Variants in PCDHGA5 observed in about 807,000 individuals in gnomAD.
PCDHGA5 encodes protocadherin gamma subfamily A, 5.
A neutral mutation model predicts 56.7 loss-of-function variants in PCDHGA5; 36 were observed. That is an observed-to-expected ratio of 0.64 (90% confidence interval 0.49 to 0.84). The LOEUF is 0.84. Ranked by LOEUF, PCDHGA5 falls within the 40% of genes least tolerant of loss-of-function variation. PCDHGA5 has a pLI of 0.00. For synonymous variants in PCDHGA5, 563 were observed against 520.2 expected, an observed-to-expected ratio of 1.08 and a Z score of -1.12; for missense variants, 1,305 against 1,201.5, an observed-to-expected ratio of 1.09 and a Z score of -1.27.
intron 1 of PCDHGA5, chr5:141,372,119 C>T (rs568477128): frequency 1.2e-6 from 2 of 1,613,802 alleles, no homozygotes; most frequent in East Asian, 2.2e-5. Context: ...CTGCGCTCTT[C>T]GATATGGTGC....
Position 141,432,617 on chromosome 5 carries a change from G to A in PCDHGA5, c.2422-62190G>A. The A allele has an allele frequency of 6.2e-7, 1 of 1,613,694 alleles. No individual in the cohort carries two copies. Among genetic ancestry groups the A allele is most frequent in the South Asian group, 1.1e-5 (1 of 91,044 alleles). On this transcript the variant is annotated intron_variant, in intron 1 of 3. Coordinates refer to ENST00000518069, the MANE Select transcript of PCDHGA5 (RefSeq NM_018918.3). This position sits in a 1 kb window ranked among gnomAD's most constrained non-coding sequence, Gnocchi z 6.0. ...CAGCGAGCCGGGACTCTTCTCGGTGGGTCTGCACACGGGCGAGGTGCGCAC... is the reference window on the plus strand; with the variant it reads ...CAGCGAGCCGGGACTCTTCTCGGTGAGTCTGCACACGGGCGAGGTGCGCAC...
chr5:141,375,535 C>T (rs548065153), intron 1 of PCDHGA5: 89 of 1,614,018 alleles, frequency 5.5e-5, no homozygotes, highest in Non-Finnish European at 6.9e-5. Flanking sequence ...TGGACCAGAA[C>T]GCCCAAGTCT....
At chr5:141,417,007 C>A (rs1204390468) in intron 1 of PCDHGA5, 1 of 148,406 alleles carries the variant, frequency 6.7e-6, no homozygotes, top group Non-Finnish European at 1.5e-5. Flanking sequence ...TCAAATAATT[C>A]TATTATTTTG....
intron 1 of PCDHGA5, chr5:141,399,313 A>C: frequency 6.2e-7 from 1 of 1,613,952 alleles, no homozygotes; most frequent in Non-Finnish European, 8.5e-7. Flanking sequence ...TTCATCCAAA[A>C]ATTCGTATAA....
At position 141,477,529 on chromosome 5, in the gene PCDHGA5, C is replaced by G; in HGVS notation, c.2422-17278C>G. ...ACGTTTACATTGAAGAAAACAACCT[C>G]CCCGGGGCTCCAATACTAAACCTAA... On this transcript the variant is annotated intron_variant, in intron 1 of 3. Transcript: ENST00000518069. The surrounding 1 kb of genome is among the most constrained non-coding windows in gnomAD (Gnocchi z 4.9). 6.2e-7 allele frequency: 1 copy of G among 1,614,172 alleles called. No homozygotes were observed. The highest frequency in any genetic ancestry group is 8.5e-7 in the Non-Finnish European group (1 of 1,180,032).
chr5:141,451,579 A>G (rs1222576609), intron 1 of PCDHGA5, among the ~76,000 whole-genome samples: 1 of 152,084 alleles, frequency 6.6e-6, no homozygotes, highest in Non-Finnish European at 1.5e-5. Flanking sequence ...TTATAAACCT[A>G]ATTTTGAAAG....
rs3749771 is a variant in PCDHGA5, at chr5:141,376,276, C to A, written c.2421+9525C>A. The A allele has an allele frequency of 5.9e-4, 946 of 1,614,240 alleles. 16 individuals are homozygous for A. The East Asian group carries it at 0.018, about 31-fold the overall frequency. The stretch of plus-strand genomic sequence containing the variant: ...GCCTGCTGCAGGCTTCGGGAGGTGG[C>A]TTAGCGAGCATGCCCGGCTCGCACT... On this transcript the variant is annotated intron_variant, in intron 1 of 3. Coordinates refer to ENST00000518069, the MANE Select transcript of PCDHGA5 (RefSeq NM_018918.3).
chr5:141,492,064 C>T (rs1562152072), intron 1 of PCDHGA5: 3 of 484,366 alleles, frequency 6.2e-6, no homozygotes, highest in Non-Finnish European at 1.1e-5. Context: ...AGCCAGCCTC[C>T]TAGGCGCCGG....
chr5:141,481,729 G>A (rs757464454), intron 1 of PCDHGA5, among the ~76,000 whole-genome samples: 6 of 151,966 alleles, frequency 3.9e-5, no homozygotes, highest in Admixed American at 1.3e-4. Flanking sequence ...GGAGGCGGGC[G>A]GATCACGAGG....
intron 1 of PCDHGA5, chr5:141,423,613 GA>G (rs1164845631): frequency 1.9e-6 from 3 of 1,610,782 alleles, no homozygotes; most frequent in Admixed American, 1.7e-5. Context: ...CTTGATAGCT[GA>G]AGACTCAGCT....
At chr5:141,479,590 A>T (rs2099500448) in intron 1 of PCDHGA5, 1 of 152,182 alleles carries the variant, frequency 6.6e-6, no homozygotes, top group Non-Finnish European at 1.5e-5. Context: ...TAGCCACTGC[A>T]CTCCAGCCTA....
At chr5:141,399,010 G>C in intron 1 of PCDHGA5, 1 of 1,613,844 alleles carries the variant, frequency 6.2e-7, no homozygotes, top group Non-Finnish European at 8.5e-7. Flanking sequence ...TTCAAAGAGC[G>C]GAGAAATTAC....
At chr5:141,371,686 C>A (rs377384867) in intron 1 of PCDHGA5, 4 of 1,613,910 alleles carry the variant, frequency 2.5e-6, no homozygotes, top group Non-Finnish European at 3.4e-6. Flanking sequence ...GGCAATCCAC[C>A]GCTCTCCTCC....
intron 1 of PCDHGA5, chr5:141,372,843 T>C (rs1344316065): frequency 6.6e-7 from 1 of 1,510,382 alleles, no homozygotes; most frequent in East Asian, 2.3e-5. Flanking sequence ...TCCATAAATA[T>C]AATTGGGTTT....
chr5:141,449,528 G>C (rs1298713821), intron 1 of PCDHGA5, among the ~76,000 whole-genome samples: 1 of 149,040 alleles, frequency 6.7e-6, no homozygotes, highest in African/African-American at 2.5e-5. Context: ...GGCGGAGGTT[G>C]CAGTGAGCCG....
chr5:141,409,849 C>A (rs772503820), intron 1 of PCDHGA5: 1 of 1,612,106 alleles, frequency 6.2e-7, no homozygotes, highest in South Asian at 1.1e-5. Context: ...TGAGCCTGCG[C>A]GTGTTGGTGG....
chr5:141,479,277 TC>T (rs2099491823), intron 1 of PCDHGA5: 1 of 152,362 alleles, frequency 6.6e-6, no homozygotes, highest in African/African-American at 2.4e-5. Flanking sequence ...ATAATTTATT[TC>T]AAAAATAAAT....
At chr5:141,372,128 G>C in intron 1 of PCDHGA5, 1 of 1,613,702 alleles carries the variant, frequency 6.2e-7, no homozygotes, top group Non-Finnish European at 8.5e-7. Context: ...TCGATATGGT[G>C]CCGCGCTCTG....
At chr5:141,460,067 G>T (rs1168161575) in intron 1 of PCDHGA5, among the ~76,000 whole-genome samples, 1 of 151,996 alleles carries the variant, frequency 6.6e-6, no homozygotes, top group Non-Finnish European at 1.5e-5. Flanking sequence ...AACAGAGTGA[G>T]ACTTCATCTA....
Sources: allele counts gnomAD v4.1 joint callset (sites outside exome capture counted in the v4.1 genomes callset), GRCh38; gene constraint gnomAD v4.1.1; non-coding constraint Gnocchi (gnomAD v3.1); transcripts MANE v1.5; gene names NCBI Gene and HGNC (gene_info 2026-07-23, HGNC 2026-07-21).